Variants in EIF3I observed in about 807,000 individuals in gnomAD.
EIF3I encodes TGF-beta receptor-interacting protein 1.
A neutral mutation model predicts 43.3 loss-of-function variants in EIF3I; 20 were observed. The observed-to-expected ratio is 0.46, with a 90% CI of 0.32 to 0.67. The LOEUF is 0.67. EIF3I is among the 30% of genes least tolerant of loss of function. The pLI is 0.03. For synonymous variants in EIF3I, 167 were observed against 151.7 expected (o/e 1.10, Z -0.74); for missense variants, 279 against 421.4 (o/e 0.66, Z 2.96).
At chr1:32,231,049 G>A in intron 11 of EIF3I, 30 bp downstream of exon 10, 1 of 1,612,862 alleles carries the variant, frequency 6.2e-7, no homozygotes, top group Non-Finnish European at 8.5e-7. Context: ...GCTGACCTAA[G>A]CCTGGGTTGG....
intron 6 of EIF3I, among the ~76,000 whole-genome samples, chr1:32,227,692 T>C (rs1639168852): frequency 6.6e-6 from 1 of 151,944 alleles, no homozygotes; most frequent in South Asian, 2.1e-4. Context: ...GAAAGATTGC[T>C]TGAGTCTGGG....
At chr1:32,225,867 A>G (rs1365411136) in intron 4 of EIF3I, among the ~76,000 whole-genome samples, 1 of 151,826 alleles carries the variant, frequency 6.6e-6, no homozygotes, top group African/African-American at 2.4e-5. Flanking sequence ...TAAAAATACA[A>G]AAAATTAGCG....
chr1:32,227,764 G>C (rs1050294478), intron 6 of EIF3I, among the ~76,000 whole-genome samples: 1 of 152,160 alleles, frequency 6.6e-6, no homozygotes, highest in African/African-American at 2.4e-5. Flanking sequence ...GATAGAACAA[G>C]ACCCTGTCTC....
exon 5 of EIF3I, chr1:32,226,186 T>A: frequency 6.2e-7 from 1 of 1,614,192 alleles, no homozygotes. Context: ...CAGCTGGCCC[T>A]TCTCAAGACC....
At chr1:32,236,047 C>T (rs1639294213), downstream of EIF3I, among the ~76,000 whole-genome samples, 1 of 152,216 alleles carries the variant, frequency 6.6e-6, no homozygotes, top group South Asian at 2.1e-4. Flanking sequence ...TCCCACCATA[C>T]CAAAGGACAT....
intron 9 of EIF3I, among the ~76,000 whole-genome samples, chr1:32,229,547 CTTTTTT>C (rs1199129615): frequency 1.9e-5 from 2 of 104,512 alleles, no homozygotes; most frequent in South Asian, 3.0e-4. Context: ...CGTGCCCAGC[CTTTTTT>C]TTTTTTTTTT....
exon 4 of EIF3I, chr1:32,224,450 C>T (rs752213568): frequency 6.2e-7 from 1 of 1,613,736 alleles, no homozygotes; most frequent in South Asian, 1.1e-5. Context: ...CTGACAACAG[C>T]TGTCGTCTCT....
intron 4 of EIF3I, 53 bp downstream of exon 4, chr1:32,224,528 C>A: frequency 7.2e-7 from 1 of 1,387,248 alleles, no homozygotes; most frequent in Non-Finnish European, 1.0e-6. Context: ...TACAGTGTAC[C>A]TGTTTGAGTA....
At chr1:32,226,555 C>A in intron 6 of EIF3I, 25 bp downstream of exon 6, 2 of 1,450,812 alleles carry the variant, frequency 1.4e-6, no homozygotes, top group Non-Finnish European at 1.8e-6. Flanking sequence ...GGGGCCTGAG[C>A]CTACCAGAAT....
rs1639189852 is a variant in EIF3I at position 32,228,820 on chromosome 1, A to AG, written c.729+5dup. The AG allele has an allele frequency of 6.2e-7, 1 of 1,611,110 alleles. No individual in the cohort carries two copies. The highest frequency in any genetic ancestry group is 1.3e-5 in the African/African-American group (1 of 74,972). ...CCTCTCCCCCAACTATGACCATGTA[A>AG]GAGAACCCCACCTGCCTTCCTGCTG... is the stretch of plus-strand genomic sequence containing the variant. On this transcript the variant is annotated splice_donor_region_variant and intron_variant, in intron 8 of 11. Coordinates refer to ENST00000676679, the Ensembl canonical transcript of EIF3I.
chr1:32,231,272 C>T (rs777676705), exon 12 of EIF3I: 319 of 1,378,794 alleles, frequency 2.3e-4, no homozygotes, highest in Non-Finnish European at 3.2e-4. Context: ...AGGCGGATCA[C>T]CTGAGGTCAG....
In EIF3I at chr1:32,228,479, C is replaced by T. The variant is rs760698164; in HGVS notation, c.529-20C>T. The T allele has an allele frequency of 1.5e-5, 24 of 1,605,418 alleles. No homozygotes were observed. The Middle Eastern group carries it at 1.2e-3, about 77-fold the overall frequency. On this transcript the variant is annotated intron_variant, in intron 6 of 11. Coordinates refer to ENST00000676679, the Ensembl canonical transcript of EIF3I. ...AGTAGGGATTGGGCCCATTCAGTGT[C>T]ACTCTTCTTCCTTCCCTAGTCTGGA... is the stretch of plus-strand genomic sequence containing the variant.
At chr1:32,235,448 A>G (rs1639288183), downstream of EIF3I, among the ~76,000 whole-genome samples, 1 of 151,448 alleles carries the variant, frequency 6.6e-6, no homozygotes, top group African/African-American at 2.4e-5. Context: ...CTTCTGCCTC[A>G]GCCTCCAGAG....
At chr1:32,226,470 C>T in exon 6 of EIF3I, 1 of 1,597,730 alleles carries the variant, frequency 6.3e-7, no homozygotes, top group Non-Finnish European at 8.5e-7. Flanking sequence ...TTTGGGGACC[C>T]CTGGGGGAGT....
At chr1:32,223,886 C>A in intron 2 of EIF3I, 148 bp from the exon 3 acceptor site, 1 of 699,956 alleles carries the variant, frequency 1.4e-6, no homozygotes, top group South Asian at 1.8e-5. Flanking sequence ...AGGAGTTGGT[C>A]TTTTTACCAG....
chr1:32,231,440 G>A (rs1275693956), downstream of EIF3I: 3 of 423,950 alleles, frequency 7.1e-6, no homozygotes, highest in African/African-American at 6.2e-5. Flanking sequence ...GCAGTGAGCT[G>A]AGATCACGTC....
chr1:32,227,514 A>C (rs1639166746), intron 6 of EIF3I, among the ~76,000 whole-genome samples: 1 of 152,030 alleles, frequency 6.6e-6, no homozygotes, highest in Non-Finnish European at 1.5e-5. Context: ...GGTGACTCAC[A>C]CTTGTAATCC....
intron 2 of EIF3I, 30 bp from the exon 3 acceptor site, chr1:32,224,004 G>A (rs760880821): frequency 3.1e-6 from 5 of 1,608,418 alleles, no homozygotes; most frequent in African/African-American, 1.3e-5. Flanking sequence ...TTACTGGGAT[G>A]TGTACTATCC....
intron 2 of EIF3I, among the ~76,000 whole-genome samples, chr1:32,222,834 C>A (rs1000559671): frequency 6.6e-6 from 1 of 152,136 alleles, no homozygotes; most frequent in Non-Finnish European, 1.5e-5. Context: ...CGGTGGCTCA[C>A]GCCTGTAATC....
Sources: allele counts gnomAD v4.1 joint callset (sites outside exome capture counted in the v4.1 genomes callset), GRCh38; gene constraint gnomAD v4.1.1; transcripts MANE v1.5; gene names NCBI Gene and HGNC (gene_info 2026-07-23, HGNC 2026-07-21).